KDM4C: variants seen among roughly 807,000 people sequenced by gnomAD.
KDM4C encodes lysine-specific demethylase 4C.
Under a neutral mutation model 129.3 loss-of-function variants are expected in KDM4C, and 81 were observed. The ratio of observed to expected loss-of-function variants is 0.63; its 90% CI spans 0.52 to 0.75. The LOEUF (loss-of-function observed/expected upper bound fraction) is 0.75. Ranked by LOEUF, KDM4C falls within the 30% of genes least tolerant of loss-of-function variation. KDM4C has a pLI of 0.00. For synonymous variants in KDM4C, 573 were observed against 456.1 expected (o/e 1.26, Z -3.26); for missense variants, 1,457 against 1,304.0 (o/e 1.12, Z -1.81).
At chr9:6,807,797 G>A (rs1259604100) in intron 3 of KDM4C, among the ~76,000 whole-genome samples, 2 of 148,194 alleles carry the variant, frequency 1.3e-5, no homozygotes, top group Admixed American at 1.3e-4. Context: ...AGGTGGGGGG[G>A]GGGTCAGCCC....
chr9:6,799,847 A>G (rs1388440178), intron 2 of KDM4C, among the ~76,000 whole-genome samples: 3 of 151,842 alleles, frequency 2.0e-5, no homozygotes, highest in South Asian at 2.1e-4. Context: ...ATATGTCATC[A>G]AAATAGTAAG....
chr9:6,767,205 C>T (rs1052761109), intron 1 of KDM4C, among the ~76,000 whole-genome samples: 1 of 152,002 alleles, frequency 6.6e-6, no homozygotes, highest in Non-Finnish European at 1.5e-5. Context: ...GTGGCACGAT[C>T]TCGGCTCACT....
chr9:7,003,783 G>A (rs751965738), intron 12 of KDM4C, among the ~76,000 whole-genome samples: 1 of 152,014 alleles, frequency 6.6e-6, no homozygotes, highest in Non-Finnish European at 1.5e-5. Context: ...ATAAATGTTT[G>A]AAGGTCAGCA....
At chr9:6,790,115 A>C (rs1431964714) in intron 1 of KDM4C, among the ~76,000 whole-genome samples, 1 of 149,482 alleles carries the variant, frequency 6.7e-6, no homozygotes, top group Non-Finnish European at 1.5e-5. Flanking sequence ...CCCTAAAAAT[A>C]CAAAAATTGG....
chr9:6,974,082 C>T (rs561196988), intron 8 of KDM4C, among the ~76,000 whole-genome samples: 1 of 152,272 alleles, frequency 6.6e-6, no homozygotes, highest in Admixed American at 6.5e-5. Flanking sequence ...CCCCTTTTCC[C>T]CCAGTTACTA....
intron 8 of KDM4C, among the ~76,000 whole-genome samples, chr9:6,959,411 C>T (rs912725645): frequency 6.6e-6 from 1 of 152,228 alleles, no homozygotes; most frequent in African/African-American, 2.4e-5. Flanking sequence ...GAGAATATGC[C>T]TTGAAGAATG....
At chr9:7,136,489 C>T (rs1841220324) in intron 19 of KDM4C, among the ~76,000 whole-genome samples, 1 of 152,198 alleles carries the variant, frequency 6.6e-6, no homozygotes, top group African/African-American at 2.4e-5. Flanking sequence ...CTCACCAACA[C>T]CTGTGTTGTC....
intron 19 of KDM4C, among the ~76,000 whole-genome samples, chr9:7,149,643 G>C (rs1055472006): frequency 1.3e-5 from 2 of 152,234 alleles, no homozygotes; most frequent in East Asian, 3.8e-4. Context: ...TGGGATTATT[G>C]AAACGTAATG....
chr9:6,925,735 A>C, intron 8 of KDM4C: 1 of 622,946 alleles, frequency 1.6e-6, no homozygotes, highest in Non-Finnish European at 2.0e-6. Context: ...CTCAGCTGAC[A>C]TGTGAGTTAC....
Position 6,780,768 on chromosome 9 carries a change from CAAAAAAA to C in KDM4C, c.-17-12184_-17-12178del, listed in dbSNP as rs34457968. Among the ~76,000 whole-genome samples, 57 of 32,152 alleles carry C rather than the reference CAAAAAAA, an allele frequency of 1.8e-3. 1 individual carries two copies. Among genetic ancestry groups the C allele is most frequent in the African/African-American group, 5.3e-3 (41 of 7,688 alleles). 21.1% of individuals were successfully genotyped at this position (32,152 alleles called of 152,430 possible). A position where few individuals can be genotyped will look rare whatever the true frequency, so the allele number is the denominator to read the frequency against. On this transcript the variant is annotated intron_variant, in intron 1 of 21. Transcript: ENST00000381309. ...GGGCAACAAGAGTGAAACTCCCTCT[CAAAAAAA>C]AAAAAAAAAAAAAAAAAAAGCGACT...
At position 6,986,536 on chromosome 9, in the gene KDM4C, C is replaced by A; in HGVS notation, c.1547C>A (p.Ser516Ter). 6.2e-7 allele frequency: 1 copy of A among 1,614,070 alleles called. No individual in the cohort carries two copies. The highest frequency in any genetic ancestry group is 8.5e-7 in the Non-Finnish European group (1 of 1,180,006). ...CCAAAGTCACCTGAGTCATGCTCAT[C>A]AGTGGCAGAGAGTAATGGTGTGTTA... Reference protein sequence around the residue: ...SWPKSPESCSSVAESNGVLTE... With the variant: ...SWPKSPESCS Residue 516 changes from serine (S) to a stop codon, truncating the protein, a stop_gained, in exon 11 of 22, where the codon TCA (serine) becomes TAA (stop). Transcript: ENST00000381309. LOFTEE classifies it high-confidence loss of function.
At chr9:7,173,226 T>G (rs1362434658) in intron 21 of KDM4C, among the ~76,000 whole-genome samples, 1 of 152,218 alleles carries the variant, frequency 6.6e-6, no homozygotes, top group African/African-American at 2.4e-5. Flanking sequence ...AGAAGGACCC[T>G]TAAGCTTGCC....
chr9:7,036,194 C>G (rs998960782), intron 15 of KDM4C, among the ~76,000 whole-genome samples: 8 of 152,040 alleles, frequency 5.3e-5, no homozygotes, highest in Non-Finnish European at 1.2e-4. Context: ...TTATAGTGGT[C>G]TTTCACCTTC....
intron 5 of KDM4C, among the ~76,000 whole-genome samples, chr9:6,863,669 G>A (rs1033832586): frequency 6.6e-6 from 1 of 151,730 alleles, no homozygotes; most frequent in Non-Finnish European, 1.5e-5. Flanking sequence ...GGTGGCGGGC[G>A]CCTGTAGTTC....
chr9:7,000,202 G>C (rs540504540), intron 12 of KDM4C, among the ~76,000 whole-genome samples: 1 of 152,266 alleles, frequency 6.6e-6, no homozygotes, highest in African/African-American at 2.4e-5. Flanking sequence ...GGAAGTCCCA[G>C]TGGCGTTGAT....
intron 8 of KDM4C, among the ~76,000 whole-genome samples, chr9:6,916,494 A>C (rs535850753): frequency 2.0e-5 from 3 of 152,214 alleles, no homozygotes; most frequent in African/African-American, 7.2e-5. Flanking sequence ...GGCTGGTCTC[A>C]AGTGATCCTC....
chr9:6,909,688 G>A (rs1818929885), intron 8 of KDM4C, among the ~76,000 whole-genome samples: 2 of 152,058 alleles, frequency 1.3e-5, no homozygotes. Flanking sequence ...AATGAAACAA[G>A]TAAATATATA....
At chr9:7,060,074 C>G (rs1831404537) in intron 17 of KDM4C, among the ~76,000 whole-genome samples, 1 of 152,138 alleles carries the variant, frequency 6.6e-6, no homozygotes. Context: ...CCAGTGTTCT[C>G]ACATTCCTTG....
At chr9:7,170,770 C>T in intron 21 of KDM4C, 1 of 983,700 alleles carries the variant, frequency 1.0e-6, no homozygotes, top group Non-Finnish European at 1.2e-6. Flanking sequence ...GTGATAGAGT[C>T]ACTATAGATT....
Sources: allele counts gnomAD v4.1 joint callset (sites outside exome capture counted in the v4.1 genomes callset), GRCh38; gene constraint gnomAD v4.1.1; transcripts MANE v1.5; gene names NCBI Gene and HGNC (gene_info 2026-07-23, HGNC 2026-07-21).